Variants in VPS13B observed in about 807,000 individuals in gnomAD.
VPS13B encodes the protein intermembrane lipid transfer protein VPS13B.
VPS13B carries 285 observed loss-of-function variants against 426.4 expected under a neutral mutation model. The ratio of observed to expected loss-of-function variants is 0.67; its 90% CI spans 0.61 to 0.74. The LOEUF is 0.74. VPS13B is among the 30% of genes least tolerant of loss of function. VPS13B has a pLI of 0.00. For missense variants in VPS13B, 4,537 were observed against 4,782.6 expected (o/e 0.95, Z 1.51); for synonymous variants, 1,676 against 1,676.4 (o/e 1.00, Z 0.01).
intron 33 of VPS13B, among the ~76,000 whole-genome samples, chr8:99,637,235 G>T (rs928075837): frequency 6.6e-6 from 1 of 151,930 alleles, no homozygotes; most frequent in Non-Finnish European, 1.5e-5. Context: ...TCTTAATAGT[G>T]GACCAGATAC....
chr8:99,401,648 C>T (rs1815043201), intron 21 of VPS13B, among the ~76,000 whole-genome samples: 1 of 152,106 alleles, frequency 6.6e-6, no homozygotes, highest in South Asian at 2.1e-4. Flanking sequence ...GGCGGATCAC[C>T]TGAGGTCAAG....
At chr8:99,747,520 A>T (rs1015746537) in intron 39 of VPS13B, among the ~76,000 whole-genome samples, 1 of 152,074 alleles carries the variant, frequency 6.6e-6, no homozygotes, top group African/African-American at 2.4e-5. Flanking sequence ...TATATTTTTC[A>T]TTCAGAAGTA....
intron 3 of VPS13B, among the ~76,000 whole-genome samples, chr8:99,063,765 C>T (rs1844324420): frequency 6.6e-6 from 1 of 152,222 alleles, no homozygotes. Context: ...CAGACTGCCT[C>T]CTCAAGTGGG....
At chr8:99,455,335 T>TTC (rs893303265) in intron 23 of VPS13B, among the ~76,000 whole-genome samples, 26 of 152,258 alleles carry the variant, frequency 1.7e-4, no homozygotes, top group Non-Finnish European at 3.5e-4. Context: ...TTGCTCACAG[T>TTC]TCTGCAGGCT....
intron 17 of VPS13B, among the ~76,000 whole-genome samples, chr8:99,213,573 A>T (rs1213205433): frequency 6.6e-6 from 1 of 152,132 alleles, no homozygotes; most frequent in Non-Finnish European, 1.5e-5. Context: ...GTCCATACAT[A>T]CTTTTCTCTT....
At chr8:99,785,274 GC>G (rs1033465884) in intron 43 of VPS13B, among the ~76,000 whole-genome samples, 41 of 152,256 alleles carry the variant, frequency 2.7e-4, no homozygotes, top group Admixed American at 2.4e-3. Flanking sequence ...GAAAACTACT[GC>G]CTGCTTGTGA....
intron 1 of VPS13B, 80 bp from the exon 2 acceptor site, chr8:99,013,680 A>C (rs1841440445): frequency 1.5e-6 from 2 of 1,376,676 alleles, no homozygotes; most frequent in African/African-American, 2.9e-5. Context: ...GTGGGGACTT[A>C]CTGCTTTCGG....
Position 99,418,917 on chromosome 8 carries a change from C to A in VPS13B, c.3083-12620C>A, listed in dbSNP as rs146432013. On this transcript the variant is annotated intron_variant, in intron 21 of 61. Transcript: ENST00000357162. Reference sequence around the variant, plus strand: ...CAGTTAGTCTTAAGCTTTCTGCAAACTTGTAAATAAATAACTCTGTCATCT... The same window carrying A: ...CAGTTAGTCTTAAGCTTTCTGCAAAATTGTAAATAAATAACTCTGTCATCT... Among the ~76,000 whole-genome samples, 52 of 152,294 alleles carry A rather than the reference C, an allele frequency of 3.4e-4. No homozygotes were observed. The East Asian group carries it at 9.8e-3, about 29-fold the overall frequency.
intron 17 of VPS13B, among the ~76,000 whole-genome samples, chr8:99,244,002 C>G (rs1240832925): frequency 6.6e-6 from 1 of 152,194 alleles, no homozygotes; most frequent in Non-Finnish European, 1.5e-5. Context: ...GAAAGACAGA[C>G]AATCTGTGTT....
At chr8:99,736,513 G>T (rs758043644) in intron 39 of VPS13B, among the ~76,000 whole-genome samples, 1 of 152,164 alleles carries the variant, frequency 6.6e-6, no homozygotes, top group Admixed American at 6.5e-5. Context: ...GGCAGATGTT[G>T]CAGTGAGCTG....
At chr8:99,289,032 T>TATGAATGAATGAATGAATGAATGA (rs147774364) in intron 19 of VPS13B, among the ~76,000 whole-genome samples, 3 of 146,654 alleles carry the variant, frequency 2.0e-5, no homozygotes, top group Admixed American at 1.4e-4. Flanking sequence ...CCCCTGCCTC[T>TATGAATGAATGAATGAATGAATGA]ATGAATGAAT....
intron 19 of VPS13B, among the ~76,000 whole-genome samples, chr8:99,312,360 C>A (rs957233691): frequency 2.6e-5 from 4 of 152,126 alleles, no homozygotes; most frequent in African/African-American, 7.2e-5. Context: ...TTAGGGCAGG[C>A]CTGGTGGTGA....
At chr8:99,452,477 A>G (rs778860392) in intron 23 of VPS13B, among the ~76,000 whole-genome samples, 4 of 152,192 alleles carry the variant, frequency 2.6e-5, no homozygotes, top group Non-Finnish European at 5.9e-5. Context: ...AGCACAACAC[A>G]TGCCACAAAA....
chr8:99,383,051 C>G (rs1471380296), intron 19 of VPS13B, among the ~76,000 whole-genome samples: 1 of 152,096 alleles, frequency 6.6e-6, no homozygotes, highest in Non-Finnish European at 1.5e-5. Context: ...AATATATGTA[C>G]AATTACAGAA....
intron 39 of VPS13B, among the ~76,000 whole-genome samples, chr8:99,724,263 C>T (rs931268211): frequency 1.3e-5 from 2 of 152,144 alleles, no homozygotes; most frequent in African/African-American, 4.8e-5. Context: ...TCATTAAAAG[C>T]TCAATCCTTC....
intron 14 of VPS13B, among the ~76,000 whole-genome samples, chr8:99,154,531 T>A (rs1156376489): frequency 6.6e-6 from 1 of 152,186 alleles, no homozygotes; most frequent in Non-Finnish European, 1.5e-5. Flanking sequence ...TTGTATAAAA[T>A]TTCCTTTAGA....
At chr8:99,282,682 C>T (rs925756850) in intron 19 of VPS13B, among the ~76,000 whole-genome samples, 4 of 151,966 alleles carry the variant, frequency 2.6e-5, no homozygotes, top group South Asian at 2.1e-4. Flanking sequence ...CTAAAAATAA[C>T]GTTTTTTACT....
Position 99,658,335 on chromosome 8 carries a change from T to A in VPS13B, c.5909-3019T>A, listed in dbSNP as rs538691341. Among the ~76,000 whole-genome samples the A allele has an allele frequency of 2.0e-5, 3 of 152,206 alleles. No homozygotes were observed. The South Asian group carries it at 6.2e-4, about 32-fold the overall frequency. On this transcript the variant is annotated intron_variant, in intron 34 of 61. Transcript: ENST00000357162. The stretch of plus-strand genomic sequence containing the variant: ...ATACTCAGAATATATAAGGAGCTCC[T>A]ACAAATCAGTAAGAAAAAGAACTCA...
chr8:99,814,556 A>G, intron 44 of VPS13B, among the ~76,000 whole-genome samples: 1 of 152,172 alleles, frequency 6.6e-6, no homozygotes, highest in Middle Eastern at 3.2e-3. Context: ...AAGGAGTAAT[A>G]TCTTTCCTAG....
Sources: allele counts gnomAD v4.1 joint callset (sites outside exome capture counted in the v4.1 genomes callset), GRCh38; gene constraint gnomAD v4.1.1; transcripts MANE v1.5; gene names NCBI Gene and HGNC (gene_info 2026-07-23, HGNC 2026-07-21).